Variants in CFAP70 observed in about 807,000 individuals in gnomAD.
The protein encoded by CFAP70 is cilia and flagella associated protein 70.
Under a neutral mutation model 137.6 loss-of-function variants are expected in CFAP70, and 81 were observed. The observed-to-expected ratio is 0.59, with a 90% CI of 0.49 to 0.71. The LOEUF is 0.71. Ranked by LOEUF, CFAP70 falls within the 30% of genes least tolerant of loss-of-function variation. The pLI is 0.00. For synonymous variants in CFAP70, 382 were observed against 423.6 expected (o/e 0.90, Z 1.20); for missense variants, 976 against 1,226.7 (o/e 0.80, Z 3.05).
chr10:73,333,235 A>G (rs895493149), intron 7 of CFAP70, among the ~76,000 whole-genome samples: 1 of 152,188 alleles, frequency 6.6e-6, no homozygotes, highest in African/African-American at 2.4e-5. Context: ...GCAAAGGAAG[A>G]AAAATGAAAA....
At chr10:73,279,392 C>T (rs1479311582) in intron 19 of CFAP70, among the ~76,000 whole-genome samples, 3 of 151,664 alleles carry the variant, frequency 2.0e-5, no homozygotes, top group South Asian at 2.1e-4. Flanking sequence ...GGCCTGGTGG[C>T]GGGCGCCTGT....
At chr10:73,288,520 A>G (rs1297953273) in intron 19 of CFAP70, among the ~76,000 whole-genome samples, 1 of 152,200 alleles carries the variant, frequency 6.6e-6, no homozygotes, top group East Asian at 1.9e-4. Flanking sequence ...AGGCCCAGTC[A>G]CAGTCCTGCT....
chr10:73,278,666 G>A (rs1007734669), intron 19 of CFAP70, among the ~76,000 whole-genome samples: 2 of 152,102 alleles, frequency 1.3e-5, no homozygotes, highest in South Asian at 2.1e-4. Flanking sequence ...GCAAGGATAC[G>A]TTTGTTTCAG....
At chr10:73,290,205 A>G (rs965758777) in intron 19 of CFAP70, among the ~76,000 whole-genome samples, 1 of 152,196 alleles carries the variant, frequency 6.6e-6, no homozygotes, top group Non-Finnish European at 1.5e-5. Context: ...AAGGGATGAA[A>G]TATTGATATA....
At chr10:73,315,891 AG>A (rs1285454685) in intron 9 of CFAP70, among the ~76,000 whole-genome samples, 2 of 152,156 alleles carry the variant, frequency 1.3e-5, no homozygotes, top group Non-Finnish European at 2.9e-5. Context: ...TGTCTTTTCA[AG>A]TATTGAGAGT....
intron 9 of CFAP70, among the ~76,000 whole-genome samples, chr10:73,314,417 T>C (rs1226055093): frequency 6.6e-6 from 1 of 152,228 alleles, no homozygotes; most frequent in Non-Finnish European, 1.5e-5. Context: ...CTGTATTTCA[T>C]AGATTCAAAG....
intron 3 of CFAP70, among the ~76,000 whole-genome samples, chr10:73,351,071 G>GTGTGTGTA (rs1422420902): frequency 6.4e-5 from 2 of 31,382 alleles, no homozygotes; most frequent in Non-Finnish European, 1.3e-4. Flanking sequence ...GTGTGTGTGT[G>GTGTGTGTA]TATATATATA....
At chr10:73,310,109 A>C in intron 12 of CFAP70, 49 bp downstream of exon 13, 1 of 1,272,918 alleles carries the variant, frequency 7.9e-7, no homozygotes. Context: ...ACTTCCTCTT[A>C]TTTATACCCA....
chr10:73,264,984 T>C (rs1474979096), intron 25 of CFAP70, among the ~76,000 whole-genome samples: 1 of 152,222 alleles, frequency 6.6e-6, no homozygotes, highest in Non-Finnish European at 1.5e-5. Flanking sequence ...CTGTAGAATC[T>C]ACTCTCATTA....
At chr10:73,255,139 T>C (rs551585841) in intron 26 of CFAP70, among the ~76,000 whole-genome samples, 6 of 152,186 alleles carry the variant, frequency 3.9e-5, no homozygotes, top group African/African-American at 1.2e-4. Context: ...TGGCTCACGC[T>C]TATAATCCCA....
At chr10:73,332,334 T>G (rs2052194319) in intron 7 of CFAP70, among the ~76,000 whole-genome samples, 2 of 152,154 alleles carry the variant, frequency 1.3e-5, no homozygotes, top group South Asian at 4.1e-4. Flanking sequence ...ACCCTCATAT[T>G]TCAGGCAGGG....
At chr10:73,346,648 A>G (rs756763553) in intron 4 of CFAP70, among the ~76,000 whole-genome samples, 4 of 152,160 alleles carry the variant, frequency 2.6e-5, no homozygotes, top group Non-Finnish European at 5.9e-5. Context: ...CATCTCAAAA[A>G]AAAAAAGAAT....
rs1589335927 is a variant in CFAP70 at position 73,281,559 on chromosome 10, G to A, written c.2240-3222C>T. 2.0e-5 allele frequency among the ~76,000 whole-genome samples: 3 copies of A among 152,044 alleles called. 1 individual carries two copies. In the Middle Eastern group the frequency reaches 0.01, roughly 517 times the overall value. On this transcript the variant is annotated intron_variant, in intron 19 of 26. Coordinates refer to ENST00000310715, the Ensembl canonical transcript of CFAP70. Reference sequence around the variant, plus strand: ...CTGTCAGGGGTGTGGGTGGAGCCTGGTTTGCTGATTTCCATGACGTAAATT... The same window carrying A: ...CTGTCAGGGGTGTGGGTGGAGCCTGATTTGCTGATTTCCATGACGTAAATT...
At chr10:73,325,532 A>C (rs1256110181) in intron 8 of CFAP70, among the ~76,000 whole-genome samples, 1 of 152,214 alleles carries the variant, frequency 6.6e-6, no homozygotes, top group Non-Finnish European at 1.5e-5. Context: ...ATTAAAAGAC[A>C]CAGACTGGCA....
intron 8 of CFAP70, among the ~76,000 whole-genome samples, chr10:73,324,118 G>C (rs185385330): frequency 1.3e-5 from 2 of 152,136 alleles, no homozygotes; most frequent in African/African-American, 2.4e-5. Flanking sequence ...CACACTGCCG[G>C]GTACTCCTCT....
At chr10:73,269,825 G>C in intron 24 of CFAP70, 110 bp from the exon 26 acceptor site, 1 of 595,846 alleles carries the variant, frequency 1.7e-6, no homozygotes, top group Admixed American at 2.5e-5. Flanking sequence ...AATATTTTTA[G>C]CATCAGAACT....
intron 25 of CFAP70, among the ~76,000 whole-genome samples, chr10:73,264,164 G>C (rs1411179073): frequency 6.6e-6 from 1 of 152,078 alleles, no homozygotes; most frequent in African/African-American, 2.4e-5. Flanking sequence ...CAAGATCTCA[G>C]ACTCATCTTT....
intron 8 of CFAP70, 55 bp from the exon 10 acceptor site, chr10:73,323,152 A>G (rs753683320): frequency 1.3e-6 from 2 of 1,483,438 alleles, no homozygotes; most frequent in Non-Finnish European, 1.8e-6. Context: ...AATATAAGGT[A>G]TGGAGCTCTG....
At chr10:73,310,107 T>C (rs1263307712) in intron 12 of CFAP70, 51 bp downstream of exon 13, 1 of 1,245,544 alleles carries the variant, frequency 8.0e-7, no homozygotes, top group Non-Finnish European at 1.2e-6. Flanking sequence ...TGACTTCCTC[T>C]TATTTATACC....
Sources: allele counts gnomAD v4.1 joint callset (sites outside exome capture counted in the v4.1 genomes callset), GRCh38; gene constraint gnomAD v4.1.1; transcripts MANE v1.5; gene names NCBI Gene and HGNC (gene_info 2026-07-23, HGNC 2026-07-21).